The following SMOC2 variants were observed in gnomAD, a reference collection of about 807,000 sequenced individuals.
SMOC2 encodes the protein SPARC-related modular calcium-binding protein 2.
SMOC2 carries 39 observed loss-of-function variants against 61.4 expected under a neutral mutation model. That is an observed-to-expected ratio of 0.64 (90% CI 0.49 to 0.83). The LOEUF is 0.83. Ranked by LOEUF, SMOC2 falls within the 40% of genes least tolerant of loss-of-function variation. The pLI is 0.00. For missense variants in SMOC2, 556 were observed against 592.9 expected (o/e 0.94, Z 0.65); for synonymous variants, 247 against 239.9 (o/e 1.03, Z -0.27).
At chr6:168,573,415 C>T (rs1250461778) in intron 7 of SMOC2, among the ~76,000 whole-genome samples, 3 of 151,750 alleles carry the variant, frequency 2.0e-5, no homozygotes, top group Admixed American at 6.5e-5. Context: ...TGTTCATTTC[C>T]TGCCCGCATC....
At chr6:168,647,472 A>C (rs1478725097) in intron 9 of SMOC2, among the ~76,000 whole-genome samples, 6 of 152,188 alleles carry the variant, frequency 3.9e-5, no homozygotes, top group Non-Finnish European at 1.5e-5. Context: ...AAGGGTTGGC[A>C]GGGGGCCAGC....
At chr6:168,536,968 G>A (rs112862237) in intron 4 of SMOC2, among the ~76,000 whole-genome samples, 21 of 152,300 alleles carry the variant, frequency 1.4e-4, no homozygotes, top group Non-Finnish European at 2.2e-4. Flanking sequence ...CAGCAGGGTC[G>A]GGGCTCCTGC....
chr6:168,540,898 A>T (rs1783863402), intron 4 of SMOC2, among the ~76,000 whole-genome samples: 1 of 152,050 alleles, frequency 6.6e-6, no homozygotes, highest in African/African-American at 2.4e-5. Flanking sequence ...CACCCCTCTC[A>T]CGTCTGTGCC....
At chr6:168,650,584 C>A in intron 9 of SMOC2, 97 bp from the exon 10 acceptor site, 1 of 1,154,238 alleles carries the variant, frequency 8.7e-7, no homozygotes, top group Non-Finnish European at 1.2e-6. Context: ...GGCCAAAATA[C>A]TCATTTCCAA....
intron 1 of SMOC2, among the ~76,000 whole-genome samples, chr6:168,472,492 A>G (rs1220542623): frequency 1.3e-5 from 2 of 151,982 alleles, no homozygotes; most frequent in East Asian, 3.9e-4. Flanking sequence ...CCCTTAACAA[A>G]AAAAGTTTTT....
intron 8 of SMOC2, among the ~76,000 whole-genome samples, chr6:168,607,274 C>T (rs1016861243): frequency 6.6e-6 from 1 of 152,018 alleles, no homozygotes; most frequent in Non-Finnish European, 1.5e-5. Flanking sequence ...TGGTGGTCTG[C>T]GTGGCAGGGG....
At chr6:168,467,235 G>A (rs1562543210) in intron 1 of SMOC2, among the ~76,000 whole-genome samples, 2 of 151,608 alleles carry the variant, frequency 1.3e-5, no homozygotes, top group South Asian at 2.1e-4. Flanking sequence ...GTGCACTGGC[G>A]GCAAAACAGC....
intron 7 of SMOC2, among the ~76,000 whole-genome samples, chr6:168,569,282 G>C (rs1361569905): frequency 6.6e-6 from 1 of 152,064 alleles, no homozygotes; most frequent in East Asian, 1.9e-4. Context: ...AATGACATAG[G>C]GTATTGAATG....
At chr6:168,609,059 A>T (rs1377334240) in intron 9 of SMOC2, among the ~76,000 whole-genome samples, 1 of 152,266 alleles carries the variant, frequency 6.6e-6, no homozygotes, top group African/African-American at 2.4e-5. Context: ...CGGCTTATAA[A>T]TGAGGACAGG....
At chr6:168,506,145 C>G (rs563506927) in intron 1 of SMOC2, among the ~76,000 whole-genome samples, 14 of 152,228 alleles carry the variant, frequency 9.2e-5, no homozygotes, top group East Asian at 3.9e-4. Context: ...GTAGCTGGGT[C>G]CACAGGTGCA....
At chr6:168,507,116 G>C (rs954689253) in intron 1 of SMOC2, among the ~76,000 whole-genome samples, 2 of 152,176 alleles carry the variant, frequency 1.3e-5, no homozygotes, top group African/African-American at 4.8e-5. Context: ...GATGCTGGGT[G>C]CTTTTATTTG....
chr6:168,537,869 AGG>A (rs201385025), intron 4 of SMOC2, among the ~76,000 whole-genome samples: 1 of 152,272 alleles, frequency 6.6e-6, no homozygotes, highest in East Asian at 1.9e-4. Context: ...CTGCCCTCGG[AGG>A]GGCACCTGGG....
chr6:168,608,041 AG>A lies in SMOC2; in HGVS notation c.825-115del, dbSNP rs544223192. On this transcript the variant is annotated intron_variant, in intron 8 of 12. Transcript: ENST00000356284. ...GAGGTCATGGGTGTCATAGCATCAGAGCCACAGGTCACGGTGTATGCTAGGG... is the reference window on the plus strand; with the variant it reads ...GAGGTCATGGGTGTCATAGCATCAGACCACAGGTCACGGTGTATGCTAGGG... 5.0e-4 allele frequency: 438 copies of A among 868,926 alleles called. 5 individuals are homozygous for A. In the African/African-American group the frequency reaches 6.4e-3, roughly 13 times the overall value. 53.8% of individuals were successfully genotyped at this position (868,926 alleles called of 1,614,324 possible).
intron 2 of SMOC2, among the ~76,000 whole-genome samples, chr6:168,521,614 C>T (rs937785073): frequency 2.6e-5 from 4 of 152,198 alleles, no homozygotes; most frequent in South Asian, 2.1e-4. Context: ...TAGGGCTAGG[C>T]GTGGGGGCTC....
intron 7 of SMOC2, among the ~76,000 whole-genome samples, chr6:168,592,341 G>A (rs373105366): frequency 7.3e-5 from 9 of 123,978 alleles, no homozygotes; most frequent in African/African-American, 1.1e-4. Flanking sequence ...GAGGATCTCC[G>A]AGCTCCTCCT....
rs536764780 is a variant in SMOC2 at position 168,475,807 on chromosome 6, T to A, written c.85-34108T>A. On this transcript the variant is annotated intron_variant, in intron 1 of 12. Transcript: ENST00000356284. This position sits in a 1 kb window ranked among gnomAD's most constrained non-coding sequence, Gnocchi z 4.6. ...AGACAACGTCTCCGGAGCCAGTGGG[T>A]GGGAGCCGCAGGGCTGGGCAGTGGG... Among the ~76,000 whole-genome samples the A allele has an allele frequency of 6.6e-6, 1 of 151,532 alleles. No individual in the cohort carries two copies. Among genetic ancestry groups the A allele is most frequent in the Non-Finnish European group, 1.5e-5 (1 of 67,872 alleles).
intron 1 of SMOC2, among the ~76,000 whole-genome samples, chr6:168,480,410 A>G (rs1156960836): frequency 2.6e-5 from 4 of 152,162 alleles, no homozygotes; most frequent in Non-Finnish European, 5.9e-5. Context: ...GAAAATGTTA[A>G]TAAAGATATA....
At chr6:168,537,957 T>A (rs1783771664) in intron 4 of SMOC2, among the ~76,000 whole-genome samples, 1 of 152,182 alleles carries the variant, frequency 6.6e-6, no homozygotes, top group South Asian at 2.1e-4. Context: ...CACCCTGGAA[T>A]CTGGGGAGTG....
intron 7 of SMOC2, among the ~76,000 whole-genome samples, chr6:168,571,136 A>G (rs1784656189): frequency 6.6e-6 from 1 of 152,152 alleles, no homozygotes; most frequent in Non-Finnish European, 1.5e-5. Context: ...ATTACCTGAG[A>G]ATTGGTTCTG....
Sources: gnomAD v4.1 joint callset for allele counts (sites outside exome capture counted in the v4.1 genomes callset) on GRCh38, gnomAD v4.1.1 for gene constraint, Gnocchi (gnomAD v3.1) non-coding constraint, MANE v1.5 for transcripts, NCBI Gene and HGNC (gene_info 2026-07-23, HGNC 2026-07-21) for gene names.